ALLC: variants seen among roughly 807,000 people sequenced by gnomAD.
The protein encoded by ALLC is probable inactive allantoicase.
Under a neutral mutation model 45.0 loss-of-function variants are expected in ALLC, and 40 were observed. That is an observed-to-expected ratio of 0.89 (90% CI 0.69 to 1.16). The LOEUF is 1.16. Ranked by LOEUF, ALLC falls within the 50% of genes most tolerant of loss-of-function variation. The pLI is 0.00. For missense variants in ALLC, 488 were observed against 493.1 expected (o/e 0.99, Z 0.10); for synonymous variants, 176 against 178.1 (o/e 0.99, Z 0.09).
At chr2:3,651,307 G>T in the ALLC span, among the ~76,000 whole-genome samples, 1 of 5,546 alleles carries the variant, frequency 1.8e-4, no homozygotes, top group African/African-American at 6.8e-4. Flanking sequence ...TGGGTGGGTG[G>T]GTGGGTGGGG....
At chr2:3,678,770 G>A (rs1344878594) in intron 4 of ALLC, among the ~76,000 whole-genome samples, 3 of 152,228 alleles carry the variant, frequency 2.0e-5, no homozygotes, top group Non-Finnish European at 4.4e-5. Flanking sequence ...CAAAGGGTGA[G>A]AAGCACGTTG....
chr2:3,702,080 A>G (rs951313137), intron 11 of ALLC, among the ~76,000 whole-genome samples: 5 of 151,974 alleles, frequency 3.3e-5, no homozygotes, highest in Non-Finnish European at 7.4e-5. Flanking sequence ...CTCTTCCTTC[A>G]TTTTCTTATC....
At chr2:3,676,039 C>T (rs1294932115) in intron 3 of ALLC, among the ~76,000 whole-genome samples, 1 of 152,242 alleles carries the variant, frequency 6.6e-6, no homozygotes, top group Non-Finnish European at 1.5e-5. Context: ...CTCATCCCAT[C>T]ATGGGGGCTC....
chr2:3,653,159 G>GC, the ALLC span, among the ~76,000 whole-genome samples: 22 of 152,172 alleles, frequency 1.4e-4, no homozygotes, highest in African/African-American at 5.1e-4. The surrounding 1 kb of genome is among the most constrained non-coding windows in gnomAD (Gnocchi z 4.1). Flanking sequence ...TGCACACGGG[G>GC]CCCCCCGAAG....
intron 2 of ALLC, among the ~76,000 whole-genome samples, chr2:3,671,506 C>T (rs111334038): frequency 2.7e-4 from 40 of 150,848 alleles, no homozygotes; most frequent in African/African-American, 9.7e-4. Flanking sequence ...AATCGGAGGT[C>T]CTCTGGCTCT....
intron 10 of ALLC, among the ~76,000 whole-genome samples, chr2:3,697,722 G>A (rs1202109676): frequency 1.3e-5 from 2 of 151,892 alleles, no homozygotes; most frequent in Non-Finnish European, 2.9e-5. Context: ...CTGGAGTGCA[G>A]TGGCGCAATC....
intron 1 of ALLC, among the ~76,000 whole-genome samples, chr2:3,666,347 A>C (rs1035296919): frequency 4.6e-5 from 7 of 152,230 alleles, no homozygotes; most frequent in African/African-American, 9.6e-5. Context: ...TTAGCGTATC[A>C]CACAGTCGGC....
At chr2:3,648,276 G>C in the ALLC span, among the ~76,000 whole-genome samples, 1 of 152,176 alleles carries the variant, frequency 6.6e-6, no homozygotes, top group Admixed American at 6.5e-5. Flanking sequence ...TCCCTGACAC[G>C]TCTCCCAGTC....
the ALLC span, among the ~76,000 whole-genome samples, chr2:3,646,032 A>C: frequency 3.4e-4 from 51 of 152,200 alleles, no homozygotes; most frequent in African/African-American, 1.2e-3. Context: ...CTGTCTCCCC[A>C]CCGGAGAAAA....
At chr2:3,676,864 C>G (rs541721059) in intron 3 of ALLC, among the ~76,000 whole-genome samples, 5 of 151,846 alleles carry the variant, frequency 3.3e-5, no homozygotes, top group Admixed American at 3.3e-4. Context: ...CTCGGCTCAC[C>G]ACAACCTCCA....
At chr2:3,695,181 T>C (rs1470586819) in intron 7 of ALLC, 2 of 153,668 alleles carry the variant, frequency 1.3e-5, no homozygotes, top group African/African-American at 4.8e-5. Flanking sequence ...GTTCATTTAA[T>C]GAAAAAAACT....
At chr2:3,697,629 A>T (rs200969501) in intron 10 of ALLC, among the ~76,000 whole-genome samples, 173 bp downstream of exon 10, 1 of 130,054 alleles carries the variant, frequency 7.7e-6, no homozygotes, top group South Asian at 2.2e-4. Context: ...CTGTCTATCT[A>T]TCTATCTATC....
At chr2:3,691,677 T>A (rs1667522291) in intron 7 of ALLC, among the ~76,000 whole-genome samples, 1 of 152,198 alleles carries the variant, frequency 6.6e-6, no homozygotes, top group African/African-American at 2.4e-5. Flanking sequence ...TTTTGAAAAG[T>A]TTTCTATTAT....
intron 1 of ALLC, among the ~76,000 whole-genome samples, chr2:3,668,543 T>G (rs1326940536): frequency 6.7e-6 from 1 of 148,714 alleles, no homozygotes; most frequent in East Asian, 2.0e-4. Flanking sequence ...TCTGTGAGTG[T>G]GTAATATGCA....
Position 3,670,095 on chromosome 2 carries a change from C to A in ALLC, c.-62-1001C>A, listed in dbSNP as rs985666491. ...AGGATGTCGGGAGCGCCTTCCAGCC[C>A]GCAGGTGTGACCAAATCACCCTGGA... On this transcript the variant is annotated intron_variant, in intron 1 of 11. Transcript: ENST00000252505. Among the ~76,000 whole-genome samples the A allele has an allele frequency of 2.6e-5, 4 of 152,156 alleles. No individual in the cohort carries two copies. The East Asian group carries it at 5.8e-4, about 22-fold the overall frequency.
chr2:3,695,790 T>C lies in ALLC; in HGVS notation c.585T>C (p.Pro195=). The C allele has an allele frequency of 1.9e-6, 3 of 1,614,030 alleles. No homozygotes were observed. Among genetic ancestry groups the C allele is most frequent in the Non-Finnish European group, 2.5e-6 (3 of 1,179,898 alleles). ...GGACTGCAACTGACCCCAAAGAACC[T>C]GCAGACCTAGTGGCCATCGCTTTTG... is the stretch of plus-strand genomic sequence containing the variant. The part of the protein sequence containing the change: ...KDWTATDPKE[P]ADLVAIAFGG... Residue 195 remains proline (P), a synonymous_variant, in exon 8 of 12, where the codon CCT becomes CCC. Coordinates refer to ENST00000252505, the MANE Select transcript of ALLC (RefSeq NM_018436.4).
intron 7 of ALLC, among the ~76,000 whole-genome samples, chr2:3,690,452 CT>C (rs1667483304): frequency 1.5e-5 from 1 of 66,176 alleles, no homozygotes; most frequent in Non-Finnish European, 2.9e-5. Flanking sequence ...CTCCCCTCCC[CT>C]CCCCTCCCTT....
intron 7 of ALLC, among the ~76,000 whole-genome samples, chr2:3,686,892 A>G (rs1237148242): frequency 6.6e-6 from 1 of 150,816 alleles, no homozygotes; most frequent in Non-Finnish European, 1.5e-5. Context: ...GAAGAAGGAG[A>G]ACTTCACTTC....
In ALLC at chr2:3,702,426, C is replaced by A. The variant is rs528768219; in HGVS notation, c.1039C>A (p.His347Asn). 1.9e-6 allele frequency: 3 copies of A among 1,613,168 alleles called. No individual in the cohort carries two copies. Among genetic ancestry groups the A allele is most frequent in the South Asian group, 2.2e-5 (2 of 91,012 alleles). The change falls in exon 12 of 12, where the codon CAC (histidine) becomes AAC (asparagine). Residue 347 changes from histidine to asparagine, a missense_variant. By Grantham distance (68) the His-to-Asn change is moderately conservative (BLOSUM62 1). Transcript: ENST00000252505. Reference protein sequence around the residue: ...LTLELQDVITHARLTIVPDGG... With the variant: ...LTLELQDVITNARLTIVPDGG... ...CCTAGAGCTCCAAGATGTCATCACT[C>A]ACGCCAGGCTCACCATCGTCCCCGA...
Sources: allele counts gnomAD v4.1 joint callset (sites outside exome capture counted in the v4.1 genomes callset), GRCh38; gene constraint gnomAD v4.1.1; non-coding constraint Gnocchi (gnomAD v3.1); transcripts MANE v1.5; gene names NCBI Gene and HGNC (gene_info 2026-07-23, HGNC 2026-07-21).